Variants in ADAMTS17 observed in about 807,000 individuals in gnomAD.
ADAMTS17 encodes ADAM metallopeptidase with thrombospondin type 1 motif 17, also known as A disintegrin and metalloproteinase with thrombospondin motifs 17.
A neutral mutation model predicts 141.5 loss-of-function variants in ADAMTS17; 113 were observed. The observed-to-expected ratio is 0.80, with a 90% CI of 0.69 to 0.93. The LOEUF is 0.93. Ranked by LOEUF, ADAMTS17 falls within the 40% of genes least tolerant of loss-of-function variation. The pLI, the probability that ADAMTS17 is intolerant of heterozygous loss-of-function variation, is 0.00. For synonymous variants in ADAMTS17, 768 were observed against 630.6 expected, an observed-to-expected ratio of 1.22 and a Z score of -3.27; for missense variants, 1,659 against 1,517.9, an observed-to-expected ratio of 1.09 and a Z score of -1.54.
At chr15:100,322,347 C>A (rs768906012) in intron 3 of ADAMTS17, among the ~76,000 whole-genome samples, 1 of 152,200 alleles carries the variant, frequency 6.6e-6, no homozygotes, top group Non-Finnish European at 1.5e-5. Flanking sequence ...TTCTACCCAA[C>A]TCTCAGGATG....
At chr15:100,070,342 A>C (rs1196660786) in intron 15 of ADAMTS17, among the ~76,000 whole-genome samples, 1 of 148,704 alleles carries the variant, frequency 6.7e-6, no homozygotes, top group Non-Finnish European at 1.5e-5. Flanking sequence ...ACGAGTCAGA[A>C]AGTTAACAAG....
intron 10 of ADAMTS17, among the ~76,000 whole-genome samples, chr15:100,133,715 C>T (rs1277692900): frequency 2.0e-5 from 3 of 152,182 alleles, no homozygotes; most frequent in South Asian, 2.1e-4. Context: ...CTAACCAAAC[C>T]TCATCAGGGA....
chr15:100,267,804 A>C (rs2043771122), intron 4 of ADAMTS17, among the ~76,000 whole-genome samples: 1 of 152,224 alleles, frequency 6.6e-6, no homozygotes, highest in Admixed American at 6.5e-5. Context: ...TGATACAGGC[A>C]TACAATGCAT....
chr15:100,263,787 C>G (rs2043613723), intron 4 of ADAMTS17, among the ~76,000 whole-genome samples: 1 of 152,216 alleles, frequency 6.6e-6, no homozygotes. Context: ...AGACATAACC[C>G]AGGAGGGAGA....
In ADAMTS17 at chr15:99,976,053, G is replaced by A. The variant is rs1462108167; in HGVS notation, c.3119C>T (p.Pro1040Leu). 1.2e-5 allele frequency: 18 copies of A among 1,550,786 alleles called. No individual in the cohort carries two copies. Among genetic ancestry groups the A allele is most frequent in the East Asian group, 4.9e-5 (2 of 40,934 alleles). Residue 1040 changes from proline to leucine, a missense_variant, in exon 21 of 22, where the codon CCC becomes CTC. Pro to Leu is a moderately conservative substitution (Grantham distance 98, BLOSUM62 -3). Coordinates refer to ENST00000268070, the MANE Select transcript of ADAMTS17 (RefSeq NM_139057.4). ...CCAGTGAAGACACTCACCAAGGCGG[G>A]GGGAGGTGATGGTGTTGGCGTTGAT... ...DRINANTITS[P>L]RLAALTYKCT...
intron 3 of ADAMTS17, among the ~76,000 whole-genome samples, chr15:100,291,604 A>T (rs1238756396): frequency 6.6e-6 from 1 of 152,218 alleles, no homozygotes; most frequent in Non-Finnish European, 1.5e-5. Context: ...ATGCCTATCA[A>T]TGGTAGACTG....
intron 18 of ADAMTS17, among the ~76,000 whole-genome samples, chr15:100,046,114 T>A (rs2031663163): frequency 6.6e-6 from 1 of 152,128 alleles, no homozygotes; most frequent in African/African-American, 2.4e-5. Flanking sequence ...CTCCTGACCT[T>A]AAGTGATCTG....
At chr15:100,126,088 C>T (rs914306686) in intron 12 of ADAMTS17, 1 of 152,224 alleles carries the variant, frequency 6.6e-6, no homozygotes, top group Non-Finnish European at 1.5e-5. Flanking sequence ...GCTCTGAGGC[C>T]CTGGTCAGCT....
At chr15:100,233,488 A>C (rs1326525267) in intron 7 of ADAMTS17, among the ~76,000 whole-genome samples, 1 of 152,186 alleles carries the variant, frequency 6.6e-6, no homozygotes, top group African/African-American at 2.4e-5. Flanking sequence ...GCAGATGGGC[A>C]AGTTTTATTA....
intron 3 of ADAMTS17, among the ~76,000 whole-genome samples, chr15:100,305,057 T>C (rs539412799): frequency 1.3e-5 from 2 of 152,236 alleles, no homozygotes; most frequent in Non-Finnish European, 2.9e-5. Flanking sequence ...GCGCAGCCTA[T>C]AAGCAGTTAA....
chr15:100,146,710 G>A (rs558914491), intron 10 of ADAMTS17, among the ~76,000 whole-genome samples: 1 of 31,216 alleles, frequency 3.2e-5, no homozygotes, highest in South Asian at 1.1e-3. Flanking sequence ...AATGGGAGAA[G>A]TATCGCTGAA....
chr15:100,245,372 G>T (rs1215757374), intron 7 of ADAMTS17, among the ~76,000 whole-genome samples: 1 of 152,206 alleles, frequency 6.6e-6, no homozygotes, highest in Non-Finnish European at 1.5e-5. Flanking sequence ...GAAAGGTCAC[G>T]GCTGGAAACC....
chr15:100,187,667 G>A (rs947380698), intron 8 of ADAMTS17, among the ~76,000 whole-genome samples: 1 of 152,120 alleles, frequency 6.6e-6, no homozygotes, highest in Non-Finnish European at 1.5e-5. Flanking sequence ...TTTCATACCT[G>A]ACTCAAGACA....
intron 8 of ADAMTS17, among the ~76,000 whole-genome samples, chr15:100,190,624 G>C (rs2040881307): frequency 6.6e-6 from 1 of 152,236 alleles, no homozygotes; most frequent in African/African-American, 2.4e-5. Flanking sequence ...GGCAGGTCTG[G>C]AGAAGTCAGG....
chr15:100,152,911 G>T (rs2039247991), intron 9 of ADAMTS17, 149 bp from the exon 10 acceptor site: 3 of 995,618 alleles, frequency 3.0e-6, no homozygotes, highest in African/African-American at 1.6e-5. Context: ...TGGACACACA[G>T]ACTGCGCTTT....
At chr15:100,009,241 C>T (rs2061106711) in intron 18 of ADAMTS17, among the ~76,000 whole-genome samples, 1 of 152,158 alleles carries the variant, frequency 6.6e-6, no homozygotes. Context: ...AGGGAGAAAA[C>T]AACTTGGAGA....
chr15:100,092,371 G>C (rs537792881), intron 15 of ADAMTS17, among the ~76,000 whole-genome samples: 1 of 152,304 alleles, frequency 6.6e-6, no homozygotes, highest in East Asian at 1.9e-4. Context: ...GCGTGAGCCA[G>C]GCAAGAGCCA....
At chr15:100,002,009 A>AAAAAAAAAAAAAAAAAAAAT (rs2060937042) in intron 18 of ADAMTS17, among the ~76,000 whole-genome samples, 1 of 142,094 alleles carries the variant, frequency 7.0e-6, no homozygotes, top group Non-Finnish European at 1.6e-5. Flanking sequence ...AAAAAAAAAA[A>AAAAAAAAAAAAAAAAAAAAT]AAAAAAAGAA....
chr15:100,241,861 T>C (rs573871114), intron 7 of ADAMTS17, among the ~76,000 whole-genome samples: 30 of 152,352 alleles, frequency 2.0e-4, no homozygotes, highest in African/African-American at 6.7e-4. Flanking sequence ...AAGTCGTCTA[T>C]GCTAGTAACT....
Sources: gnomAD v4.1 joint callset for allele counts (sites outside exome capture counted in the v4.1 genomes callset) on GRCh38, gnomAD v4.1.1 for gene constraint, MANE v1.5 for transcripts, NCBI Gene and HGNC (gene_info 2026-07-23, HGNC 2026-07-21) for gene names.